Variants in PCGF3 observed in about 807,000 individuals in gnomAD.
PCGF3 encodes polycomb group RING finger protein 3.
PCGF3 carries 7 observed loss-of-function variants against 33.1 expected under a neutral mutation model. That is an observed-to-expected ratio of 0.21 (90% CI 0.12 to 0.40). PCGF3 has a LOEUF of 0.40. Among genes scored for constraint, PCGF3 ranks in the 10% least tolerant of loss-of-function variants. PCGF3 has a pLI of 1.00. For synonymous variants in PCGF3, 153 were observed against 121.3 expected, an observed-to-expected ratio of 1.26 and a Z score of -1.72; for missense variants, 211 against 313.3, an observed-to-expected ratio of 0.67 and a Z score of 2.46.
intron 5 of PCGF3, among the ~76,000 whole-genome samples, chr4:736,482 ATGCAGGGAACC>A (rs1743830560): frequency 2.0e-5 from 3 of 150,572 alleles, no homozygotes; most frequent in Non-Finnish European, 4.4e-5. Context: ...AGCGCATAGG[ATGCAGGGAACC>A]CGGGGTGTCC....
chr4:760,669 CA>C (rs1745002312), intron 8 of PCGF3, among the ~76,000 whole-genome samples: 1 of 152,238 alleles, frequency 6.6e-6, no homozygotes, highest in African/African-American at 2.4e-5. Context: ...CCTTCCTTGT[CA>C]GGCACATCTT....
chr4:763,990 G>A (rs1326656249), intron 9 of PCGF3, among the ~76,000 whole-genome samples: 1 of 152,248 alleles, frequency 6.6e-6, no homozygotes, highest in Non-Finnish European at 1.5e-5. Flanking sequence ...CAGCTCTGCA[G>A]CATGGCGCAC....
intron 1 of PCGF3, among the ~76,000 whole-genome samples, chr4:713,951 C>T (rs1230610182): frequency 6.6e-6 from 1 of 152,034 alleles, no homozygotes; most frequent in Non-Finnish European, 1.5e-5. Context: ...GAAAAAAAAT[C>T]GCAATACAGA....
intron 8 of PCGF3, among the ~76,000 whole-genome samples, chr4:758,148 A>G: frequency 7.3e-6 from 1 of 136,396 alleles, no homozygotes; most frequent in East Asian, 2.1e-4. Flanking sequence ...GCCTGGCTAC[A>G]GAGGGAGACT....
intron 1 of PCGF3, among the ~76,000 whole-genome samples, chr4:711,443 C>CTTTTTTTTTTT (rs201359627): frequency 1.6e-5 from 2 of 122,940 alleles, no homozygotes; most frequent in African/African-American, 5.7e-5. Context: ...TGTAATTTTT[C>CTTTTTTTTTTT]TTTTTTTTTT....
chr4:728,105 A>C (rs1743402473), intron 1 of PCGF3, among the ~76,000 whole-genome samples: 1 of 152,206 alleles, frequency 6.6e-6, no homozygotes, highest in Non-Finnish European at 1.5e-5. Flanking sequence ...ATTAGGGTCA[A>C]GTTCATCATA....
chr4:743,503 C>A, exon 7 of PCGF3: 1 of 1,613,106 alleles, frequency 6.2e-7, no homozygotes, highest in South Asian at 1.1e-5. Context: ...GGAGTTCTAT[C>A]ACAAATTGGG....
At chr4:761,383 C>T (rs373002901) in exon 9 of PCGF3, 78 of 1,610,948 alleles carry the variant, frequency 4.8e-5, no homozygotes, top group African/African-American at 8.0e-5. Context: ...AGAAGTTCAT[C>T]GCCAAAAAAC....
intron 1 of PCGF3, 66 bp downstream of exon 1, chr4:706,036 C>G (rs1042121182): frequency 3.9e-5 from 6 of 152,522 alleles, no homozygotes; most frequent in Non-Finnish European, 7.3e-5. Context: ...GGCCTCGGCC[C>G]GTGTCCGGCC....
At chr4:709,913 C>T (rs979873517) in intron 1 of PCGF3, among the ~76,000 whole-genome samples, 4 of 152,220 alleles carry the variant, frequency 2.6e-5, no homozygotes, top group Admixed American at 1.3e-4. Context: ...TTCTGATTTG[C>T]TCTTTTGACA....
chr4:728,676 G>T lies in PCGF3; in HGVS notation c.-189-1954G>T, dbSNP rs564562277. 3.9e-5 allele frequency among the ~76,000 whole-genome samples: 6 copies of T among 152,324 alleles called. 1 individual carries two copies. The South Asian group carries it at 1.2e-3, about 32-fold the overall frequency. The stretch of plus-strand genomic sequence containing the variant: ...AGTTATTGTCTGTCTTCCTTCATTA[G>T]AATGCTGGCTCCAAGGTCTGTGTCT... On this transcript the variant is annotated intron_variant, in intron 1 of 10. Coordinates refer to ENST00000362003, the Ensembl canonical transcript of PCGF3.
At chr4:754,476 A>C (rs4690303) in intron 8 of PCGF3, among the ~76,000 whole-genome samples, 1 of 152,078 alleles carries the variant, frequency 6.6e-6, no homozygotes, top group African/African-American at 2.4e-5. Context: ...CCACCCATCC[A>C]GGCCAGAGCC....
chr4:739,433 C>A (rs10004172), intron 6 of PCGF3, among the ~76,000 whole-genome samples: 40,987 of 152,098 alleles, frequency 0.27, 5,654 homozygotes, highest in African/African-American at 0.31. Flanking sequence ...CTCAAGCAGT[C>A]CTCCTGCCTT....
At chr4:751,868 C>G (rs1473293785) in intron 8 of PCGF3, among the ~76,000 whole-genome samples, 1 of 152,150 alleles carries the variant, frequency 6.6e-6, no homozygotes, top group Non-Finnish European at 1.5e-5. Context: ...ACCTCTTCTC[C>G]ATCATCTGAC....
chr4:755,562 C>T (rs1053457007), intron 8 of PCGF3, among the ~76,000 whole-genome samples: 2 of 152,182 alleles, frequency 1.3e-5, no homozygotes, highest in African/African-American at 2.4e-5. Context: ...TTAAATGTAT[C>T]GGTATTTTCT....
chr4:749,476 C>CTTTTTTTTTTTTTTTTTTTTTTTTTTT (rs71640348), intron 8 of PCGF3, among the ~76,000 whole-genome samples: 4 of 75,496 alleles, frequency 5.3e-5, no homozygotes, highest in African/African-American at 1.7e-4. Flanking sequence ...ATTTTCTTTC[C>CTTTTTTTTTTTTTTTTTTTTTTTTTTT]TTTTTTTTTT....
chr4:727,233 C>CTTTTTTTTTTT lies in PCGF3; in HGVS notation c.-189-3382_-189-3372dup, dbSNP rs57690550. On this transcript the variant is annotated intron_variant, in intron 1 of 10. Coordinates refer to ENST00000362003, the Ensembl canonical transcript of PCGF3. ...AGAGGATGTGTGTGTTAGCGAGCGT[C>CTTTTTTTTTTT]TTTTTTTTTTTTTTTTTTTTTTTTT... 1.7e-3 allele frequency among the ~76,000 whole-genome samples: 103 copies of CTTTTTTTTTTT among 61,904 alleles called. 8 individuals are homozygous for CTTTTTTTTTTT. The highest frequency in any genetic ancestry group is 3.5e-3 in the South Asian group (4 of 1,148). 40.6% of individuals were successfully genotyped at this position (61,904 alleles called of 152,430 possible). A position where few individuals can be genotyped will look rare whatever the true frequency, so the allele number is the denominator to read the frequency against.
intron 7 of PCGF3, 92 bp downstream of exon 7, chr4:743,676 A>G (rs1744191525): frequency 2.7e-6 from 2 of 735,344 alleles, no homozygotes; most frequent in Non-Finnish European, 4.7e-6. Context: ...GGCCCCTCCC[A>G]CACGCACTCA....
At chr4:728,495 T>A (rs1349209882) in intron 1 of PCGF3, among the ~76,000 whole-genome samples, 1 of 152,176 alleles carries the variant, frequency 6.6e-6, no homozygotes, top group African/African-American at 2.4e-5. Context: ...GGGGGCAGCG[T>A]GCATAGCTTC....
Sources: allele counts gnomAD v4.1 joint callset (sites outside exome capture counted in the v4.1 genomes callset), GRCh38; gene constraint gnomAD v4.1.1; transcripts MANE v1.5; gene names NCBI Gene and HGNC (gene_info 2026-07-23, HGNC 2026-07-21).